The following DCC variants were observed in gnomAD, a reference collection of about 807,000 sequenced individuals.
DCC encodes DCC netrin 1 receptor.
Under a neutral mutation model 172.5 loss-of-function variants are expected in DCC, and 58 were observed. That is an observed-to-expected ratio of 0.34 (90% CI 0.27 to 0.42). The LOEUF (loss-of-function observed/expected upper bound fraction) is 0.42. DCC is among the 10% of genes least tolerant of loss of function. The pLI, the probability that DCC is intolerant of heterozygous loss-of-function variation, is 1.00. For missense variants in DCC, 1,740 were observed against 1,791.0 expected (o/e 0.97, Z 0.51); for synonymous variants, 709 against 644.5 (o/e 1.10, Z -1.52).
chr18:52,428,909 T>C (rs924842561), intron 1 of DCC, among the ~76,000 whole-genome samples: 2 of 152,036 alleles, frequency 1.3e-5, no homozygotes, highest in African/African-American at 2.4e-5. Context: ...ATAGAAGTAA[T>C]AGACTGCCTT....
At chr18:53,355,112 C>G (rs2057862958) in intron 15 of DCC, among the ~76,000 whole-genome samples, 1 of 152,046 alleles carries the variant, frequency 6.6e-6, no homozygotes, top group Non-Finnish European at 1.5e-5. Flanking sequence ...TCTGAGGGCT[C>G]TGTTCTGTTC....
intron 5 of DCC, among the ~76,000 whole-genome samples, chr18:53,005,209 G>A (rs1225819690): frequency 8.5e-5 from 13 of 152,090 alleles, no homozygotes; most frequent in Non-Finnish European, 1.6e-4. Context: ...ATAGTAACAC[G>A]AAACAAACTA....
At chr18:52,759,707 G>A (rs764927688) in intron 2 of DCC, among the ~76,000 whole-genome samples, 1 of 152,118 alleles carries the variant, frequency 6.6e-6, no homozygotes, top group Non-Finnish European at 1.5e-5. Context: ...TCAAATCATA[G>A]TAATGTGAGA....
At chr18:52,476,318 A>G (rs996492490) in intron 1 of DCC, among the ~76,000 whole-genome samples, 15 of 152,280 alleles carry the variant, frequency 9.9e-5, no homozygotes, top group Non-Finnish European at 1.3e-4. Context: ...TGTCGGCATA[A>G]CAAACCTTAG....
intron 14 of DCC, among the ~76,000 whole-genome samples, chr18:53,330,331 A>C (rs1052914427): frequency 1.3e-5 from 2 of 152,060 alleles, no homozygotes; most frequent in African/African-American, 2.4e-5. Context: ...AAGCCTCCCT[A>C]TCACCCTCAA....
chr18:53,440,929 C>G (rs1471064421), intron 22 of DCC, among the ~76,000 whole-genome samples: 1 of 152,202 alleles, frequency 6.6e-6, no homozygotes, highest in Non-Finnish European at 1.5e-5. Flanking sequence ...GCTAGAGCAG[C>G]ACTTCTGAAC....
intron 9 of DCC, among the ~76,000 whole-genome samples, chr18:53,201,461 T>C (rs78851507): frequency 0.011 from 1,663 of 152,300 alleles, 13 homozygotes; most frequent in Middle Eastern, 0.024. Flanking sequence ...TCAGTCTCAA[T>C]GTTCTCGTTC....
chr18:52,826,810 T>A (rs992010307), intron 2 of DCC, among the ~76,000 whole-genome samples: 8 of 152,310 alleles, frequency 5.3e-5, no homozygotes, highest in African/African-American at 1.2e-4. Context: ...CAGTCAGCCC[T>A]CTGTATCCGT....
intron 1 of DCC, among the ~76,000 whole-genome samples, chr18:52,347,995 T>C (rs1326763290): frequency 6.6e-6 from 1 of 152,160 alleles, no homozygotes; most frequent in East Asian, 1.9e-4. Flanking sequence ...TATTAACCCC[T>C]TGCCTTTTGT....
chr18:52,627,804 G>C (rs746241480), intron 1 of DCC, among the ~76,000 whole-genome samples: 4 of 152,190 alleles, frequency 2.6e-5, no homozygotes, highest in African/African-American at 9.7e-5. Context: ...GTTTGGAAGT[G>C]TACCTGGTCA....
chr18:52,572,476 G>A (rs1368181701), intron 1 of DCC, among the ~76,000 whole-genome samples: 1 of 152,174 alleles, frequency 6.6e-6, no homozygotes, highest in Non-Finnish European at 1.5e-5. Flanking sequence ...TTTCCTGACA[G>A]AATTCTGCCT....
intron 5 of DCC, among the ~76,000 whole-genome samples, chr18:52,939,544 C>T (rs879081939): frequency 1.1e-4 from 16 of 152,208 alleles, no homozygotes; most frequent in Admixed American, 8.5e-4. Context: ...GATTTGTTAC[C>T]ATCATCATCC....
chr18:52,384,829 A>G (rs757147660), intron 1 of DCC, among the ~76,000 whole-genome samples: 11 of 152,144 alleles, frequency 7.2e-5, no homozygotes, highest in Admixed American at 2.6e-4. Context: ...TTCATATTTG[A>G]TGAAGAGACC....
At chr18:52,681,604 G>T (rs1046722390) in intron 1 of DCC, among the ~76,000 whole-genome samples, 1 of 152,068 alleles carries the variant, frequency 6.6e-6, no homozygotes, top group African/African-American at 2.4e-5. Flanking sequence ...TTTTGTCAAC[G>T]TATATTAAAT....
intron 5 of DCC, among the ~76,000 whole-genome samples, chr18:52,945,547 C>T (rs2040530591): frequency 6.6e-6 from 1 of 152,144 alleles, no homozygotes; most frequent in Non-Finnish European, 1.5e-5. Flanking sequence ...TATTGTTGCT[C>T]TTAAGACATG....
At chr18:52,847,491 A>C (rs1289889172) in intron 2 of DCC, among the ~76,000 whole-genome samples, 5 of 152,222 alleles carry the variant, frequency 3.3e-5, no homozygotes, top group Non-Finnish European at 5.9e-5. Context: ...CAAACAGCAT[A>C]ATAATGATGC....
intron 5 of DCC, among the ~76,000 whole-genome samples, chr18:53,025,435 ACCTTGGCCCTTC>A (rs2041942161): frequency 6.6e-6 from 1 of 152,080 alleles, no homozygotes; most frequent in African/African-American, 2.4e-5. Context: ...TAGGGTTTGT[ACCTTGGCCCTTC>A]CCTGTTCAAC....
At chr18:52,865,289 A>G (rs1175991226) in intron 2 of DCC, among the ~76,000 whole-genome samples, 1 of 152,160 alleles carries the variant, frequency 6.6e-6, no homozygotes, top group African/African-American at 2.4e-5. Flanking sequence ...GAATAGTGCC[A>G]CAATAAACAT....
At chr18:53,308,591 T>G (rs1320930812) in intron 13 of DCC, among the ~76,000 whole-genome samples, 2 of 152,196 alleles carry the variant, frequency 1.3e-5, no homozygotes, top group Non-Finnish European at 2.9e-5. Context: ...CAGTAGAATT[T>G]GCTAGCGTTA....
Sources: gnomAD v4.1 joint callset for allele counts (sites outside exome capture counted in the v4.1 genomes callset) on GRCh38, gnomAD v4.1.1 for gene constraint, MANE v1.5 for transcripts, NCBI Gene and HGNC (gene_info 2026-07-23, HGNC 2026-07-21) for gene names.